The following SAMD5 variants were observed in gnomAD, a reference collection of about 807,000 sequenced individuals.
SAMD5 encodes sterile alpha motif domain containing 5.
SAMD5 carries 13 observed loss-of-function variants against 11.3 expected under a neutral mutation model. The ratio of observed to expected loss-of-function variants is 1.15; its 90% CI spans 0.75 to 1.83. The LOEUF (loss-of-function observed/expected upper bound fraction) is 1.83, where lower values mean the gene tolerates loss of function less well. Among genes scored for constraint, SAMD5 ranks in the 40% most tolerant of loss-of-function variants. SAMD5 has a pLI of 0.00. For missense variants in SAMD5, 255 were observed against 239.1 expected (o/e 1.07, Z -0.44); for synonymous variants, 129 against 111.3 (o/e 1.16, Z -1.00).
chr6:147,859,972 ATATTTAACCT>A, the SAMD5 span, among the ~76,000 whole-genome samples: 3 of 152,184 alleles, frequency 2.0e-5, no homozygotes, highest in Non-Finnish European at 4.4e-5. Context: ...TTGTTTTAAA[ATATTTAACCT>A]AGTACATTTA....
intron 1 of SAMD5, among the ~76,000 whole-genome samples, chr6:147,553,536 A>T (rs529390807): frequency 1.5e-4 from 23 of 152,312 alleles, no homozygotes; most frequent in African/African-American, 5.5e-4. Context: ...CACGCTGGAC[A>T]CGATGCCATA....
At chr6:147,763,914 G>A in the SAMD5 span, among the ~76,000 whole-genome samples, 5 of 152,066 alleles carry the variant, frequency 3.3e-5, no homozygotes, top group East Asian at 3.8e-4. Flanking sequence ...TGTTTATCTC[G>A]ATTACTGAGA....
At chr6:147,816,094 C>T in the SAMD5 span, among the ~76,000 whole-genome samples, 31 of 151,326 alleles carry the variant, frequency 2.0e-4, no homozygotes, top group East Asian at 5.1e-3. Flanking sequence ...GCCTGGCTAA[C>T]GTGGTGAAAC....
chr6:147,903,631 C>T, the SAMD5 span, among the ~76,000 whole-genome samples: 1 of 152,118 alleles, frequency 6.6e-6, no homozygotes, highest in Non-Finnish European at 1.5e-5. Flanking sequence ...CAACATCAGC[C>T]GGGTGCGGTG....
chr6:147,949,820 A>G, the SAMD5 span, among the ~76,000 whole-genome samples: 1 of 152,214 alleles, frequency 6.6e-6, no homozygotes, highest in Non-Finnish European at 1.5e-5. Flanking sequence ...CCTCAACATT[A>G]AATTTTTAAT....
chr6:147,733,883 C>G (rs143502068), intron 1 of SAMD5: 2 of 215,192 alleles, frequency 9.3e-6, no homozygotes, highest in Non-Finnish European at 1.6e-5. Flanking sequence ...GCCATTCCCT[C>G]GGACAGTGTT....
At chr6:147,854,490 G>T in the SAMD5 span, among the ~76,000 whole-genome samples, 16,996 of 152,160 alleles carry the variant, frequency 0.11, 1,174 homozygotes, top group East Asian at 0.35. Flanking sequence ...ATTAGCAGAG[G>T]TTTGCATCAT....
the SAMD5 span, among the ~76,000 whole-genome samples, chr6:147,848,430 G>A: frequency 6.6e-6 from 1 of 152,090 alleles, no homozygotes; most frequent in Non-Finnish European, 1.5e-5. Context: ...ATTACACGCC[G>A]GACACTGTTT....
the SAMD5 span, among the ~76,000 whole-genome samples, chr6:147,950,908 C>G: frequency 6.6e-6 from 1 of 151,894 alleles, no homozygotes; most frequent in Non-Finnish European, 1.5e-5. Flanking sequence ...CCACATCTTT[C>G]TCTTCCCACC....
At chr6:147,709,006 C>T (rs941874552) in intron 1 of SAMD5, among the ~76,000 whole-genome samples, 4 of 152,210 alleles carry the variant, frequency 2.6e-5, no homozygotes, top group Non-Finnish European at 4.4e-5. Context: ...GCTATTCACT[C>T]ATACTCCTCT....
At chr6:147,858,953 A>C in the SAMD5 span, among the ~76,000 whole-genome samples, 27 of 152,156 alleles carry the variant, frequency 1.8e-4, no homozygotes, top group African/African-American at 6.0e-4. Flanking sequence ...ACACCATAAT[A>C]AGTACAATAT....
chr6:147,572,847 C>G (rs1433805366), downstream of SAMD5, among the ~76,000 whole-genome samples: 1 of 152,134 alleles, frequency 6.6e-6, no homozygotes, highest in African/African-American at 2.4e-5. Flanking sequence ...TTGGACACAT[C>G]CCCTTTTGGA....
intron 1 of SAMD5, among the ~76,000 whole-genome samples, chr6:147,555,195 A>G (rs1187228576): frequency 6.6e-6 from 1 of 152,228 alleles, no homozygotes; most frequent in Non-Finnish European, 1.5e-5. Flanking sequence ...AGAACTACTC[A>G]TAAAGCACTT....
the SAMD5 span, among the ~76,000 whole-genome samples, chr6:147,762,668 AT>A: frequency 6.6e-6 from 1 of 152,212 alleles, no homozygotes; most frequent in Non-Finnish European, 1.5e-5. Flanking sequence ...AATACATGAT[AT>A]CCCTGAGCCT....
the SAMD5 span, among the ~76,000 whole-genome samples, chr6:147,898,951 C>T: frequency 1.6e-3 from 243 of 151,610 alleles, no homozygotes; most frequent in African/African-American, 5.4e-3. Flanking sequence ...GAGGCCGAGG[C>T]GGGCAGATCA....
downstream of SAMD5, among the ~76,000 whole-genome samples, chr6:147,737,844 T>C (rs1423253094): frequency 6.6e-6 from 1 of 152,016 alleles, no homozygotes; most frequent in East Asian, 1.9e-4. Flanking sequence ...TATACTTATG[T>C]TTTCTGCACA....
the SAMD5 span, among the ~76,000 whole-genome samples, chr6:147,869,730 G>A: frequency 5.3e-5 from 8 of 152,038 alleles, no homozygotes; most frequent in Middle Eastern, 3.4e-3. Context: ...ACAGGGTCTC[G>A]CTCTTTTTCC....
At position 147,566,654 on chromosome 6, in the gene SAMD5, G is replaced by T. The variant is rs1583086922; in HGVS notation, c.*2198G>T. On this transcript the variant is annotated 3_prime_UTR_variant, in exon 2 of 2. Coordinates refer to ENST00000367474, the MANE Select transcript of SAMD5 (RefSeq NM_001030060.3). ...GTTTAAACCTTCTCTCTGTGTCTGT[G>T]GTTAGAATTTGAAAATAACAATGCT... 6.1e-6 allele frequency: 6 copies of T among 981,328 alleles called. No homozygotes were observed. The South Asian group carries it at 1.4e-4, about 23-fold the overall frequency. The allele number at this position is 981,328 out of a possible 1,614,324, so 60.8% of individuals were successfully genotyped here.
At chr6:147,852,762 A>T in the SAMD5 span, among the ~76,000 whole-genome samples, 1 of 152,172 alleles carries the variant, frequency 6.6e-6, no homozygotes, top group Non-Finnish European at 1.5e-5. Flanking sequence ...AAATTAAAAA[A>T]TACTAAGGAG....
Sources: allele counts gnomAD v4.1 joint callset (sites outside exome capture counted in the v4.1 genomes callset), GRCh38; gene constraint gnomAD v4.1.1; transcripts MANE v1.5; gene names NCBI Gene and HGNC (gene_info 2026-07-23, HGNC 2026-07-21).